The following PTPRZ1 variants were observed in gnomAD, a reference collection of about 807,000 sequenced individuals.
The protein encoded by PTPRZ1 is receptor-type tyrosine-protein phosphatase zeta.
In PTPRZ1, 82 loss-of-function variants were observed where a neutral mutation model predicts 214.1. The ratio of observed to expected loss-of-function variants is 0.38; its 90% CI spans 0.32 to 0.46. The LOEUF (loss-of-function observed/expected upper bound fraction) is 0.46, where lower values mean the gene tolerates loss of function less well. PTPRZ1 is among the 20% of genes least tolerant of loss of function. The pLI, the probability that PTPRZ1 is intolerant of heterozygous loss-of-function variation, is 1.00. For synonymous variants in PTPRZ1, 945 were observed against 987.9 expected, an observed-to-expected ratio of 0.96 and a Z score of 0.81; for missense variants, 2,603 against 2,748.7, an observed-to-expected ratio of 0.95 and a Z score of 1.19.
In PTPRZ1 at chr7:121,914,945, G is replaced by A. The variant is rs117783053; in HGVS notation, c.59-13211G>A. 9.6e-3 allele frequency among the ~76,000 whole-genome samples: 1,466 copies of A among 152,200 alleles called. 14 individuals are homozygous for A. The highest frequency in any genetic ancestry group is 0.024 in the Middle Eastern group (7 of 294). ...GTCTACAATTACTGCTAAGTTTCCCGTAAGTAATTTGGGGGACTGGAAACG... is the reference window on the plus strand; with the variant it reads ...GTCTACAATTACTGCTAAGTTTCCCATAAGTAATTTGGGGGACTGGAAACG... On this transcript the variant is annotated intron_variant, in intron 1 of 29. Coordinates refer to ENST00000393386, the MANE Select transcript of PTPRZ1 (RefSeq NM_002851.3).
At chr7:121,988,496 CTCTT>C (rs1797838385) in intron 8 of PTPRZ1, among the ~76,000 whole-genome samples, 1 of 152,160 alleles carries the variant, frequency 6.6e-6, no homozygotes, top group African/African-American at 2.4e-5. Flanking sequence ...TTTCTGATTC[CTCTT>C]TCTTCTGAAC....
chr7:122,056,894 C>T (rs1210331142), intron 27 of PTPRZ1, among the ~76,000 whole-genome samples: 1 of 151,894 alleles, frequency 6.6e-6, no homozygotes, highest in East Asian at 1.9e-4. Flanking sequence ...TTTTAAATAT[C>T]TGTGAACTTT....
chr7:122,012,447 C>A lies in PTPRZ1; in HGVS notation c.3401C>A (p.Ala1134Glu), dbSNP rs1390307741. ...SVQPTHTVSQ[A>E]SGDTSLKPVL... ...CAACCTACACATACTGTCTCTCAAG[C>A]ATCTGGTGACACTTCGCTTAAACCT... Residue 1134 changes from alanine to glutamate, a missense_variant, in exon 12 of 30, where the codon GCA becomes GAA. Ala to Glu is a moderately radical substitution (Grantham distance 107). Transcript: ENST00000393386. The A allele has an allele frequency of 2.6e-5, 42 of 1,613,342 alleles. No homozygotes were observed. Among genetic ancestry groups the A allele is most frequent in the Non-Finnish European group, 3.6e-5 (42 of 1,179,454 alleles).
At chr7:121,993,240 T>A (rs564153092) in intron 8 of PTPRZ1, among the ~76,000 whole-genome samples, 1 of 151,854 alleles carries the variant, frequency 6.6e-6, no homozygotes, top group South Asian at 2.1e-4. Context: ...CTTTACAGAG[T>A]AGGTATGCTT....
intron 1 of PTPRZ1, among the ~76,000 whole-genome samples, chr7:121,924,480 G>A (rs1329571168): frequency 2.0e-5 from 3 of 152,010 alleles, no homozygotes; most frequent in African/African-American, 7.3e-5. Context: ...AACAATTAAG[G>A]GAACAATACA....
chr7:121,951,951 A>ATTTTTTTTTTTTTTTTTTTTT (rs1273271925), intron 2 of PTPRZ1, among the ~76,000 whole-genome samples: 1 of 50,506 alleles, frequency 2.0e-5, no homozygotes. Flanking sequence ...ATGCGAGTGT[A>ATTTTTTTTTTTTTTTTTTTTT]TTTATTTATT....
intron 2 of PTPRZ1, among the ~76,000 whole-genome samples, chr7:121,935,135 A>G (rs1796038513): frequency 6.6e-6 from 1 of 152,238 alleles, no homozygotes; most frequent in Non-Finnish European, 1.5e-5. Context: ...TAACAATTTT[A>G]TTTGGTCGCA....
At chr7:121,932,167 A>T (rs1458268393) in intron 2 of PTPRZ1, among the ~76,000 whole-genome samples, 1 of 152,178 alleles carries the variant, frequency 6.6e-6, no homozygotes, top group African/African-American at 2.4e-5. Context: ...GAATTACTAG[A>T]CTATCAAAGA....
intron 10 of PTPRZ1, among the ~76,000 whole-genome samples, chr7:122,003,454 A>T (rs1049677076): frequency 6.6e-6 from 1 of 152,184 alleles, no homozygotes; most frequent in African/African-American, 2.4e-5. Flanking sequence ...TTTTCAATAT[A>T]TTAATACCCA....
intron 1 of PTPRZ1, among the ~76,000 whole-genome samples, chr7:121,878,528 A>G (rs980756255): frequency 6.6e-6 from 1 of 152,218 alleles, no homozygotes; most frequent in Non-Finnish European, 1.5e-5. Flanking sequence ...CCTTTGGTAG[A>G]GCAGTAATAG....
intron 10 of PTPRZ1, among the ~76,000 whole-genome samples, chr7:121,998,964 TGCTGTA>T (rs1798234751): frequency 6.6e-6 from 1 of 152,186 alleles, no homozygotes; most frequent in African/African-American, 2.4e-5. Context: ...GTTGTCTAAA[TGCTGTA>T]GCAGGGACTT....
chr7:121,884,962 T>G (rs1027622794), intron 1 of PTPRZ1, among the ~76,000 whole-genome samples: 4 of 152,146 alleles, frequency 2.6e-5, no homozygotes, highest in African/African-American at 9.7e-5. Context: ...TTTGTGTCCC[T>G]CCCCGTCATT....
At chr7:121,974,776 C>T (rs1797378067) in intron 4 of PTPRZ1, among the ~76,000 whole-genome samples, 1 of 152,184 alleles carries the variant, frequency 6.6e-6, no homozygotes, top group Non-Finnish European at 1.5e-5. Context: ...GCATCAGCCA[C>T]CATGCCCAGT....
At position 122,038,797 on chromosome 7, in the gene PTPRZ1, C is replaced by G; in HGVS notation, c.5410C>G (p.Leu1804Val). 6.2e-7 allele frequency: 1 copy of G among 1,613,792 alleles called. No individual in the cohort carries two copies. Among genetic ancestry groups the G allele is most frequent in the Non-Finnish European group, 8.5e-7 (1 of 1,179,806 alleles). ...PKAYIAAQGPLKSTAEDFWRM... is the reference protein window; with the variant it reads ...PKAYIAAQGPVKSTAEDFWRM... Reference sequence around the variant, plus strand: ...AGCTTATATTGCTGCCCAAGGCCCACTGAAATCCACAGCTGAAGATTTCTG... The same window carrying G: ...AGCTTATATTGCTGCCCAAGGCCCAGTGAAATCCACAGCTGAAGATTTCTG... Residue 1804 changes from leucine (L) to valine (V), a missense_variant, in exon 19 of 30, where the codon CTG (leucine) becomes GTG (valine). Leu to Val is a conservative substitution (Grantham distance 32, BLOSUM62 1). This residue lies in a region of PTPRZ1 where 1,913 missense variants were observed against 1,914.3 expected (regional missense o/e 1.00). Transcript: ENST00000393386.
intron 1 of PTPRZ1, among the ~76,000 whole-genome samples, chr7:121,925,782 A>T (rs956819947): frequency 6.6e-6 from 1 of 152,204 alleles, no homozygotes; most frequent in Non-Finnish European, 1.5e-5. Context: ...ATCTAAATAA[A>T]TCTAAATAAA....
Position 122,036,687 on chromosome 7 carries a change from G to A in PTPRZ1, c.5367+5G>A. The A allele has an allele frequency of 6.3e-7, 1 of 1,584,042 alleles. No individual in the cohort carries two copies. Among genetic ancestry groups the A allele is most frequent in the African/African-American group, 1.3e-5 (1 of 74,280 alleles). ...ATCAATGCCAATTATGTTGATGTAA[G>A]CATGTTTTAATTGAAAATTTTATAG... On this transcript the variant is annotated splice_donor_5th_base_variant and intron_variant, in intron 18 of 29. Coordinates refer to ENST00000393386, the MANE Select transcript of PTPRZ1 (RefSeq NM_002851.3).
chr7:121,981,527 T>C (rs758155046), intron 6 of PTPRZ1, among the ~76,000 whole-genome samples: 7 of 152,206 alleles, frequency 4.6e-5, no homozygotes, highest in Non-Finnish European at 1.0e-4. Flanking sequence ...CAGATCTCAC[T>C]GGTAAGTAGA....
intron 1 of PTPRZ1, among the ~76,000 whole-genome samples, chr7:121,923,081 A>T (rs1451044273): frequency 6.6e-6 from 1 of 152,166 alleles, no homozygotes; most frequent in East Asian, 1.9e-4. Flanking sequence ...ATCTATGAAG[A>T]TCCTACATGA....
At chr7:121,875,714 G>A (rs1794037271) in intron 1 of PTPRZ1, among the ~76,000 whole-genome samples, 1 of 152,194 alleles carries the variant, frequency 6.6e-6, no homozygotes, top group African/African-American at 2.4e-5. Context: ...TTGCCAACAG[G>A]CTGACCTGGA....
Sources: allele counts gnomAD v4.1 joint callset (sites outside exome capture counted in the v4.1 genomes callset), GRCh38; gene constraint gnomAD v4.1.1; regional missense constraint gnomAD v4.1.1; transcripts MANE v1.5; gene names NCBI Gene and HGNC (gene_info 2026-07-23, HGNC 2026-07-21).